The following ADGRL2 variants were observed in gnomAD, a reference collection of about 807,000 sequenced individuals.
ADGRL2 encodes the protein adhesion G protein-coupled receptor L2.
In ADGRL2, 44 loss-of-function variants were observed where a neutral mutation model predicts 157.4. The observed-to-expected ratio is 0.28, with a 90% CI of 0.22 to 0.36. The LOEUF (loss-of-function observed/expected upper bound fraction) is 0.36, where lower values mean the gene tolerates loss of function less well. Ranked by LOEUF, ADGRL2 falls within the 10% of genes least tolerant of loss-of-function variation. ADGRL2 has a pLI of 1.00. For missense variants in ADGRL2, 1,510 were observed against 1,768.9 expected, an observed-to-expected ratio of 0.85 and a Z score of 2.63; for synonymous variants, 585 against 624.7, an observed-to-expected ratio of 0.94 and a Z score of 0.95.
intron 1 of ADGRL2, among the ~76,000 whole-genome samples, chr1:81,756,889 A>G (rs963744413): frequency 6.6e-6 from 1 of 152,170 alleles, no homozygotes; most frequent in Non-Finnish European, 1.5e-5. Flanking sequence ...CTAGGTTTAC[A>G]CACGTGGAAC....
At chr1:81,374,076 TAC>T (rs10645046) in intron 1 of ADGRL2, among the ~76,000 whole-genome samples, 1 of 150,372 alleles carries the variant, frequency 6.7e-6, no homozygotes, top group Admixed American at 6.6e-5. Flanking sequence ...TAAATACACA[TAC>T]ACACACACAC....
Position 81,657,093 on chromosome 1 carries a change from T to G in ADGRL2, c.-143+76113T>G, listed in dbSNP as rs556741296. Among the ~76,000 whole-genome samples, 3 of 152,006 alleles carry G rather than the reference T, an allele frequency of 2.0e-5. No individual in the cohort carries two copies. In the East Asian group the frequency reaches 5.8e-4, roughly 29 times the overall value. ...AATTCAAGGCTCCAATATGAGCCAG[T>G]AATAGAACAAGTTTGATTTCATAGC... On this transcript the variant is annotated intron_variant, in intron 3 of 24. Transcript: ENST00000370721.
At chr1:81,919,462 T>C (rs1329565118) in intron 3 of ADGRL2, among the ~76,000 whole-genome samples, 1 of 152,088 alleles carries the variant, frequency 6.6e-6, no homozygotes, top group Non-Finnish European at 1.5e-5. Context: ...TTACAGACTT[T>C]ATATGAAGAA....
At chr1:81,544,077 C>G (rs1009011094) in intron 2 of ADGRL2, among the ~76,000 whole-genome samples, 2 of 152,146 alleles carry the variant, frequency 1.3e-5, no homozygotes, top group Non-Finnish European at 2.9e-5. Context: ...TAACCTCTAC[C>G]CGAACCCATC....
At chr1:81,515,274 A>T (rs1162153105) in intron 2 of ADGRL2, 1 of 152,138 alleles carries the variant, frequency 6.6e-6, no homozygotes, top group Non-Finnish European at 1.5e-5. Context: ...TATATAAAAG[A>T]ATCTGTATTT....
intron 3 of ADGRL2, among the ~76,000 whole-genome samples, chr1:81,683,703 C>T (rs116358415): frequency 1.3e-5 from 2 of 152,066 alleles, no homozygotes; most frequent in South Asian, 4.1e-4. Flanking sequence ...ATATATATCA[C>T]AGTTTCTTTA....
chr1:81,604,667 C>T (rs1044050615), intron 3 of ADGRL2, among the ~76,000 whole-genome samples: 4 of 152,110 alleles, frequency 2.6e-5, no homozygotes, highest in Non-Finnish European at 4.4e-5. Flanking sequence ...GGCCACCCTA[C>T]CAAGGGTATC....
At chr1:81,567,734 C>A (rs911746915) in intron 2 of ADGRL2, among the ~76,000 whole-genome samples, 35 of 151,810 alleles carry the variant, frequency 2.3e-4, no homozygotes, top group African/African-American at 8.0e-4. Flanking sequence ...GCTTTTTACA[C>A]AAAACAAACA....
chr1:81,352,524 A>G (rs1662973017), intron 1 of ADGRL2, among the ~76,000 whole-genome samples: 1 of 152,192 alleles, frequency 6.6e-6, no homozygotes, highest in African/African-American at 2.4e-5. Flanking sequence ...ATACTAGTTT[A>G]GGTAAGCAAG....
At chr1:81,342,057 C>G (rs911536599) in intron 1 of ADGRL2, among the ~76,000 whole-genome samples, 2 of 152,076 alleles carry the variant, frequency 1.3e-5, no homozygotes, top group Non-Finnish European at 1.5e-5. Flanking sequence ...TAGTGACAGT[C>G]AGATTTCCAG....
chr1:81,605,570 G>A (rs900463063), intron 3 of ADGRL2, among the ~76,000 whole-genome samples: 7 of 152,298 alleles, frequency 4.6e-5, no homozygotes, highest in African/African-American at 1.7e-4. Flanking sequence ...GTAGAAGATA[G>A]CATGAGTGTG....
At chr1:81,809,046 T>C (rs2089523042) in intron 1 of ADGRL2, among the ~76,000 whole-genome samples, 1 of 152,036 alleles carries the variant, frequency 6.6e-6, no homozygotes, top group Non-Finnish European at 1.5e-5. Flanking sequence ...TGTCTCCCTC[T>C]ACAGAGCACA....
At chr1:81,569,859 G>T (rs1470969265) in intron 2 of ADGRL2, among the ~76,000 whole-genome samples, 1 of 152,136 alleles carries the variant, frequency 6.6e-6, no homozygotes, top group African/African-American at 2.4e-5. Context: ...AAAGATGTCA[G>T]TAGAAATGTC....
At chr1:81,526,247 AACTTTTGAAC>A (rs2079451976) in intron 2 of ADGRL2, among the ~76,000 whole-genome samples, 2 of 132,288 alleles carry the variant, frequency 1.5e-5, no homozygotes, top group African/African-American at 5.8e-5. Flanking sequence ...CATGCAGAAT[AACTTTTGAAC>A]CTATGGGAAT....
rs181256228 is a variant in ADGRL2, at chr1:81,514,738, A to G, written c.-247-66138A>G. ...AACATAAAGTTGATTTGTCAAGCTT[A>G]TAAGTACCAAAAACCCCAAAATATT... On this transcript the variant is annotated intron_variant, in intron 2 of 24. Transcript: ENST00000370721. The G allele has an allele frequency of 3.3e-5, 5 of 152,358 alleles. No individual in the cohort carries two copies. In the East Asian group the frequency reaches 9.6e-4, roughly 29 times the overall value. 9.4% of individuals were successfully genotyped at this position (152,358 alleles called of 1,614,324 possible). A position where few individuals can be genotyped will look rare whatever the true frequency, so the allele number is the denominator to read the frequency against.
intron 2 of ADGRL2, among the ~76,000 whole-genome samples, chr1:81,463,084 C>T (rs1403288159): frequency 1.8e-4 from 26 of 143,150 alleles, no homozygotes; most frequent in East Asian, 6.2e-4. Context: ...CACTGCATTC[C>T]GGCCTGGGCA....
intron 3 of ADGRL2, among the ~76,000 whole-genome samples, chr1:81,907,627 CTT>C (rs1221399858): frequency 6.6e-6 from 1 of 151,170 alleles, no homozygotes; most frequent in East Asian, 1.9e-4. Flanking sequence ...AATTAATAAA[CTT>C]TGTTTTTTAG....
intron 2 of ADGRL2, among the ~76,000 whole-genome samples, chr1:81,867,150 A>G (rs769169050): frequency 3.9e-5 from 6 of 152,140 alleles, no homozygotes; most frequent in Non-Finnish European, 8.8e-5. Context: ...AATCCTTACT[A>G]ATGTTCTTAG....
intron 1 of ADGRL2, among the ~76,000 whole-genome samples, chr1:81,365,592 C>T (rs1418139589): frequency 2.6e-5 from 4 of 152,134 alleles, no homozygotes. Flanking sequence ...AGTTTTGTGA[C>T]ATAAAGGGCA....
Sources: gnomAD v4.1 joint callset for allele counts (sites outside exome capture counted in the v4.1 genomes callset) on GRCh38, gnomAD v4.1.1 for gene constraint, MANE v1.5 for transcripts, NCBI Gene and HGNC (gene_info 2026-07-23, HGNC 2026-07-21) for gene names.